The following DDX46 variants were observed in gnomAD, a reference collection of about 807,000 sequenced individuals.
DDX46 encodes DEAD-box helicase 46.
DDX46 carries 30 observed loss-of-function variants against 134.9 expected under a neutral mutation model. That is an observed-to-expected ratio of 0.22 (90% CI 0.17 to 0.30). DDX46 has a LOEUF of 0.30. Ranked by LOEUF, DDX46 falls within the 10% of genes least tolerant of loss-of-function variation. DDX46 has a pLI of 1.00. For missense variants in DDX46, 622 were observed against 1,248.7 expected (o/e 0.50, Z 7.56); for synonymous variants, 415 against 404.1 (o/e 1.03, Z -0.32).
intron 22 of DDX46, 27 bp from the exon 23 acceptor site, chr5:134,828,632 T>A: frequency 7.0e-7 from 1 of 1,435,614 alleles, no homozygotes; most frequent in Non-Finnish European, 9.2e-7. Context: ...CTTTCTCTGA[T>A]GACATATCTT....
chr5:134,788,203 C>T (rs923924650), intron 11 of DDX46, among the ~76,000 whole-genome samples: 3 of 151,820 alleles, frequency 2.0e-5, no homozygotes, highest in African/African-American at 7.3e-5. Flanking sequence ...TAGCTCACTC[C>T]AACCTTGAAC....
chr5:134,770,801 A>C, intron 3 of DDX46, 102 bp from the exon 4 acceptor site: 1 of 980,140 alleles, frequency 1.0e-6, no homozygotes, highest in South Asian at 1.7e-5. Context: ...TGGGCGACAG[A>C]GTGAGACACT....
rs534497816 is a variant in DDX46, at chr5:134,770,442, G to A, written c.351-461G>A. 8.5e-5 allele frequency among the ~76,000 whole-genome samples: 13 copies of A among 152,088 alleles called. 1 individual carries two copies. The South Asian group carries it at 2.5e-3, about 29-fold the overall frequency. On this transcript the variant is annotated intron_variant, in intron 3 of 22. Transcript: ENST00000452510. ...CCCCTGGCTGATCTCTTTAACTCCT[G>A]TTTTCAATTGATCCTCCTGCCTTGG...
intron 4 of DDX46, 22 bp downstream of exon 4, chr5:134,771,021 T>A (rs748310113): frequency 2.1e-6 from 2 of 969,086 alleles, no homozygotes; most frequent in Non-Finnish European, 3.2e-6. Context: ...AACTTAAAAA[T>A]AATTTTCTTT....
chr5:134,820,868 T>TC lies in DDX46; in HGVS notation c.2977+1864_2977+1865insC, dbSNP rs1023520024. Among the ~76,000 whole-genome samples the TC allele has an allele frequency of 1.4e-4, 21 of 145,800 alleles. No homozygotes were observed. In the East Asian group the frequency reaches 1.6e-3, roughly 11 times the overall value. On this transcript the variant is annotated intron_variant, in intron 21 of 22. Transcript: ENST00000452510. The stretch of plus-strand genomic sequence containing the variant: ...AGTAATCTTTTCTTTTCTTTTCTTT[T>TC]TTTTTTTTTTTTTTTGAGACAAAGT...
chr5:134,789,143 T>C (rs1754430264), intron 12 of DDX46: 1 of 152,236 alleles, frequency 6.6e-6, no homozygotes, highest in Non-Finnish European at 1.5e-5. Context: ...GCTCAAATGT[T>C]ATGCTTTGTT....
At chr5:134,801,643 C>T (rs962144288) in intron 15 of DDX46, among the ~76,000 whole-genome samples, 2 of 152,142 alleles carry the variant, frequency 1.3e-5, no homozygotes. Context: ...TCAAGCAGTC[C>T]TCCCGCCTTA....
At chr5:134,781,313 T>C in intron 7 of DDX46, 67 bp downstream of exon 7, 1 of 1,225,174 alleles carries the variant, frequency 8.2e-7, no homozygotes, top group Non-Finnish European at 1.2e-6. Context: ...AAAGCATTCA[T>C]GGAGATGTGC....
At chr5:134,776,913 CAAAA>C (rs59477051) in intron 5 of DDX46, among the ~76,000 whole-genome samples, 55 of 78,184 alleles carry the variant, frequency 7.0e-4, no homozygotes, top group African/African-American at 2.7e-3. Context: ...GACTCTGTCT[CAAAA>C]AAAAAAAAAA....
At chr5:134,810,913 G>C (rs1416370736) in intron 16 of DDX46, among the ~76,000 whole-genome samples, 1 of 151,978 alleles carries the variant, frequency 6.6e-6, no homozygotes, top group Non-Finnish European at 1.5e-5. Context: ...GGCTGAGGCA[G>C]GAGAATCACT....
rs1755637238 is a variant in DDX46, at chr5:134,828,045, A to G, written c.3052-614A>G. Reference sequence around the variant, plus strand: ...TTGTCAGTGTCTTTAAACTTAAACAATGACTTAATTTGATTTTGGAAAAAG... The same window carrying G: ...TTGTCAGTGTCTTTAAACTTAAACAGTGACTTAATTTGATTTTGGAAAAAG... On this transcript the variant is annotated intron_variant, in intron 22 of 22. Transcript: ENST00000452510. Among the ~76,000 whole-genome samples, 7 of 152,212 alleles carry G rather than the reference A, an allele frequency of 4.6e-5. No individual in the cohort carries two copies. The South Asian group carries it at 1.5e-3, about 32-fold the overall frequency.
chr5:134,758,816 T>C lies in DDX46; in HGVS notation c.-123T>C, dbSNP rs544265041. 5 of 1,474,438 alleles carry C rather than the reference T, an allele frequency of 3.4e-6. No homozygotes were observed. In the Admixed American group the frequency reaches 5.2e-5, roughly 15 times the overall value. The allele number at this position is 1,474,438 out of a possible 1,614,324, so 91.3% of individuals were successfully genotyped here. A position where few individuals can be genotyped will look rare whatever the true frequency, so the allele number is the denominator to read the frequency against. The stretch of plus-strand genomic sequence containing the variant: ...GCCGCGCTGGGATGGCCGCCACAGC[T>C]GTAGGTGCTGCTAGTGTTTAGCGCT... On this transcript the variant is annotated 5_prime_UTR_variant, in exon 1 of 23. Transcript: ENST00000452510.
intron 18 of DDX46, among the ~76,000 whole-genome samples, chr5:134,813,501 A>C (rs962225587): frequency 1.3e-5 from 2 of 152,188 alleles, no homozygotes; most frequent in Non-Finnish European, 1.5e-5. Context: ...GTCCTTACCC[A>C]CATGGCAGCT....
At chr5:134,792,664 T>C (rs889356425) in intron 13 of DDX46, among the ~76,000 whole-genome samples, 13 of 152,154 alleles carry the variant, frequency 8.5e-5, no homozygotes, top group Non-Finnish European at 1.8e-4. Context: ...CATTTTCCAT[T>C]GAAAGGCAAA....
At chr5:134,815,236 G>A (rs971841572) in intron 18 of DDX46, among the ~76,000 whole-genome samples, 3 of 152,186 alleles carry the variant, frequency 2.0e-5, no homozygotes, top group Non-Finnish European at 2.9e-5. Context: ...TTTTATTGTA[G>A]TAAAAGAGCT....
At chr5:134,766,784 G>A in intron 2 of DDX46, 133 bp from the exon 3 acceptor site, 1 of 1,074,882 alleles carries the variant, frequency 9.3e-7, no homozygotes, top group East Asian at 2.8e-5. Context: ...ATAAGACTTG[G>A]CTTTACTTCA....
At chr5:134,820,493 G>T (rs1755411756) in intron 21 of DDX46, among the ~76,000 whole-genome samples, 1 of 152,162 alleles carries the variant, frequency 6.6e-6, no homozygotes, top group South Asian at 2.1e-4. Context: ...CTCCTGGGTA[G>T]CTGGGACCAC....
intron 2 of DDX46, among the ~76,000 whole-genome samples, chr5:134,766,663 G>T (rs150520275): frequency 6.6e-6 from 1 of 152,192 alleles, no homozygotes; most frequent in African/African-American, 2.4e-5. Context: ...AGAGGTTGCA[G>T]TGAGCTGCAA....
chr5:134,764,585 C>G (rs1239226757), intron 2 of DDX46, among the ~76,000 whole-genome samples: 1 of 152,104 alleles, frequency 6.6e-6, no homozygotes, highest in African/African-American at 2.4e-5. Flanking sequence ...GTCCGACCAT[C>G]AAACAGTGTT....
Sources: gnomAD v4.1 joint callset for allele counts (sites outside exome capture counted in the v4.1 genomes callset) on GRCh38, gnomAD v4.1.1 for gene constraint, MANE v1.5 for transcripts, NCBI Gene and HGNC (gene_info 2026-07-23, HGNC 2026-07-21) for gene names.